The following MTHFD1L variants were observed in gnomAD, a reference collection of about 807,000 sequenced individuals.
MTHFD1L encodes methylenetetrahydrofolate dehydrogenase (NADP+ dependent) 1 like.
In MTHFD1L, 81 loss-of-function variants were observed where a neutral mutation model predicts 119.5. The observed-to-expected ratio is 0.68, with a 90% CI of 0.57 to 0.82. MTHFD1L has a LOEUF of 0.82. MTHFD1L is among the 40% of genes least tolerant of loss of function. The probability of loss-of-function intolerance (pLI) is 0.00; values close to 1 mark genes in which losing one functional copy is unlikely to be tolerated. For synonymous variants in MTHFD1L, 430 were observed against 475.2 expected (o/e 0.90, Z 1.24); for missense variants, 1,125 against 1,253.4 (o/e 0.90, Z 1.55).
At chr6:151,053,867 A>G (rs913607984) in intron 26 of MTHFD1L, among the ~76,000 whole-genome samples, 1 of 152,100 alleles carries the variant, frequency 6.6e-6, no homozygotes, top group Non-Finnish European at 1.5e-5. Context: ...CTCAAAAAAA[A>G]AAAAAAAAAT....
intron 24 of MTHFD1L, among the ~76,000 whole-genome samples, chr6:151,020,818 G>A (rs927609411): frequency 1.7e-4 from 26 of 152,146 alleles, no homozygotes; most frequent in Non-Finnish European, 2.8e-4. Flanking sequence ...TTCACTAAGA[G>A]AATATCTCCA....
At chr6:151,091,898 C>T (rs1299042680) in intron 26 of MTHFD1L, among the ~76,000 whole-genome samples, 1 of 152,152 alleles carries the variant, frequency 6.6e-6, no homozygotes, top group African/African-American at 2.4e-5. Context: ...AAAGTTCCTA[C>T]CTGCTATATT....
intron 26 of MTHFD1L, 27 bp from the exon 27 acceptor site, chr6:151,092,440 T>C: frequency 6.3e-7 from 1 of 1,583,820 alleles, no homozygotes; most frequent in East Asian, 2.2e-5. Flanking sequence ...CATTTGCTAA[T>C]CTGTAACGCT....
At chr6:151,075,424 G>A (rs927582357) in intron 26 of MTHFD1L, among the ~76,000 whole-genome samples, 1 of 151,976 alleles carries the variant, frequency 6.6e-6, no homozygotes, top group Non-Finnish European at 1.5e-5. Context: ...TGACAAAGGG[G>A]CCGTTTCACG....
At chr6:150,895,447 G>A (rs565877617) in intron 7 of MTHFD1L, among the ~76,000 whole-genome samples, 6 of 152,254 alleles carry the variant, frequency 3.9e-5, no homozygotes, top group South Asian at 2.1e-4. Context: ...GCTGCATGCC[G>A]AAGAAATAAC....
Position 150,944,591 on chromosome 6 carries a change from A to T in MTHFD1L, c.1546A>T (p.Lys516Ter). 1 of 1,610,358 alleles carries T rather than the reference A, an allele frequency of 6.2e-7. No individual in the cohort carries two copies. Among genetic ancestry groups the T allele is most frequent in the Non-Finnish European group, 8.5e-7 (1 of 1,177,046 alleles). The change falls in exon 14 of 28, where the codon AAG becomes TAG. Residue 516 changes from lysine (K) to a stop codon, truncating the protein, a stop_gained and splice_region_variant. Transcript: ENST00000367321. LOFTEE classifies it high-confidence loss of function. ...TCTTCATGAAAACACGCAAACAGAT[A>T]AGGTGAGAAGGATGCCTTGCTAGCC... is the stretch of plus-strand genomic sequence containing the variant. Reference protein sequence around the residue: ...RILHENTQTDKALYNRLVPLV... With the variant: ...RILHENTQTD
At chr6:150,936,018 A>C (rs1464954539) in intron 11 of MTHFD1L, among the ~76,000 whole-genome samples, 2 of 152,242 alleles carry the variant, frequency 1.3e-5, no homozygotes. Flanking sequence ...TTGGTTTTGC[A>C]AAGTGTTGTC....
chr6:150,915,806 G>C (rs187305250), intron 8 of MTHFD1L, among the ~76,000 whole-genome samples: 4 of 152,102 alleles, frequency 2.6e-5, no homozygotes, highest in African/African-American at 9.7e-5. Flanking sequence ...GTTTCACCTT[G>C]TTGGCCAGGC....
chr6:151,093,053 G>A lies in MTHFD1L; in HGVS notation c.*31+466G>A, dbSNP rs1010259397. Among the ~76,000 whole-genome samples, 8 of 152,244 alleles carry A rather than the reference G, an allele frequency of 5.3e-5. 1 individual carries two copies. Among genetic ancestry groups the A allele is most frequent in the East Asian group, 1.9e-4 (1 of 5,176 alleles). ...CCTGGGGCTGCCATGACAAAGTATCGCAAACTGGGTGGCTTAAAACAGTGG... is the reference window on the plus strand; with the variant it reads ...CCTGGGGCTGCCATGACAAAGTATCACAAACTGGGTGGCTTAAAACAGTGG... On this transcript the variant is annotated intron_variant, in intron 27 of 27. Coordinates refer to ENST00000367321, the MANE Select transcript of MTHFD1L (RefSeq NM_015440.5).
chr6:150,973,229 A>G (rs1562478846), intron 20 of MTHFD1L, among the ~76,000 whole-genome samples: 1 of 152,204 alleles, frequency 6.6e-6, no homozygotes, highest in Non-Finnish European at 1.5e-5. Context: ...AGAACTTGGC[A>G]CTGCATTTTA....
chr6:150,972,345 C>T (rs549950577), intron 20 of MTHFD1L, among the ~76,000 whole-genome samples: 2 of 152,248 alleles, frequency 1.3e-5, no homozygotes, highest in African/African-American at 4.8e-5. Context: ...TACTGAGCTT[C>T]GGTTTTCTTG....
chr6:151,019,681 C>T (rs1257991977), intron 24 of MTHFD1L, among the ~76,000 whole-genome samples: 1 of 152,202 alleles, frequency 6.6e-6, no homozygotes, highest in Non-Finnish European at 1.5e-5. Context: ...CAGCCTACTG[C>T]AGCATGACAG....
intron 26 of MTHFD1L, among the ~76,000 whole-genome samples, chr6:151,056,309 A>C (rs1485649739): frequency 1.3e-5 from 2 of 152,144 alleles, no homozygotes; most frequent in East Asian, 3.9e-4. Flanking sequence ...AGTTTCACAA[A>C]AGTATTGTCA....
chr6:150,960,071 G>T (rs139564535), intron 17 of MTHFD1L, among the ~76,000 whole-genome samples: 1 of 152,184 alleles, frequency 6.6e-6, no homozygotes, highest in Admixed American at 6.5e-5. Context: ...AGCACATTCC[G>T]CCTGGGAGGC....
At chr6:151,004,508 T>C (rs1199121509) in intron 20 of MTHFD1L, among the ~76,000 whole-genome samples, 1 of 152,184 alleles carries the variant, frequency 6.6e-6, no homozygotes, top group Non-Finnish European at 1.5e-5. Context: ...GTTTCTGCCG[T>C]TATCATTGTT....
At chr6:150,923,189 G>C (rs571086705) in intron 10 of MTHFD1L, among the ~76,000 whole-genome samples, 1 of 152,114 alleles carries the variant, frequency 6.6e-6, no homozygotes, top group Non-Finnish European at 1.5e-5. Flanking sequence ...GTCTGTGCTC[G>C]TCAAGGTGGA....
At chr6:150,965,137 G>GCCA in intron 19 of MTHFD1L, 100 bp downstream of exon 19, 1 of 989,478 alleles carries the variant, frequency 1.0e-6, no homozygotes. Context: ...AGCATGCCTG[G>GCCA]GGCAGCAGTG....
intron 10 of MTHFD1L, among the ~76,000 whole-genome samples, chr6:150,923,671 A>G (rs151243948): frequency 4.0e-5 from 6 of 149,110 alleles, no homozygotes; most frequent in African/African-American, 1.5e-4. Context: ...ACCGGGGCTG[A>G]CTCATTTTTT....
intron 9 of MTHFD1L, among the ~76,000 whole-genome samples, chr6:150,921,443 G>A (rs1196212527): frequency 3.3e-5 from 5 of 152,096 alleles, no homozygotes; most frequent in South Asian, 2.1e-4. Context: ...GTAGAGACAG[G>A]GTTTCACCAT....
Sources: allele counts gnomAD v4.1 joint callset (sites outside exome capture counted in the v4.1 genomes callset), GRCh38; gene constraint gnomAD v4.1.1; transcripts MANE v1.5; gene names NCBI Gene and HGNC (gene_info 2026-07-23, HGNC 2026-07-21).